CACNA2D2: variants seen among roughly 807,000 people sequenced by gnomAD.
The protein encoded by CACNA2D2 is voltage-dependent calcium channel subunit alpha-2/delta-2.
Under a neutral mutation model 166.4 loss-of-function variants are expected in CACNA2D2, and 48 were observed. That is an observed-to-expected ratio of 0.29 (90% CI 0.23 to 0.37). The LOEUF (loss-of-function observed/expected upper bound fraction) is 0.37, where lower values mean the gene tolerates loss of function less well. Ranked by LOEUF, CACNA2D2 falls within the 10% of genes least tolerant of loss-of-function variation. CACNA2D2 has a pLI of 1.00. For synonymous variants in CACNA2D2, 561 were observed against 573.7 expected (o/e 0.98, Z 0.32); for missense variants, 1,122 against 1,433.0 (o/e 0.78, Z 3.50).
In CACNA2D2 at chr3:50,375,980, C is replaced by T. The variant is rs773775694; in HGVS notation, c.1756G>A (p.Asp586Asn). 1.1e-5 allele frequency: 17 copies of T among 1,613,336 alleles called. No individual in the cohort carries two copies. The highest frequency in any genetic ancestry group is 3.3e-5 in the Admixed American group (2 of 60,014). ...TLDFLDAELE[D>N]ENKEEIRRSM... ...CTCCTTACCTCTTCCTTGTTCTCAT[C>T]CTCTAGCTCCGCATCCAGGAAGTCC... The change falls in exon 19 of 38, where the codon GAT (aspartate) becomes AAT (asparagine). Residue 586 changes from aspartate (D) to asparagine (N), a missense_variant. By Grantham distance (23) the Asp-to-Asn change is conservative. Transcript: ENST00000424201. The surrounding 1 kb of genome is among the most constrained non-coding windows in gnomAD (Gnocchi z 4.0).
chr3:50,416,441 T>C (rs1707265497), intron 3 of CACNA2D2, among the ~76,000 whole-genome samples: 1 of 152,148 alleles, frequency 6.6e-6, no homozygotes, highest in Non-Finnish European at 1.5e-5. Context: ...GAGAAATGTT[T>C]CTCCTTCCCA....
chr3:50,405,513 G>A (rs1015240907), intron 3 of CACNA2D2, among the ~76,000 whole-genome samples: 1 of 152,176 alleles, frequency 6.6e-6, no homozygotes, highest in African/African-American at 2.4e-5. Flanking sequence ...TCTTGCCCAG[G>A]CCCCCTCATT....
chr3:50,459,249 C>T (rs1709495485), intron 2 of CACNA2D2, among the ~76,000 whole-genome samples: 1 of 152,104 alleles, frequency 6.6e-6, no homozygotes, highest in South Asian at 2.1e-4. Context: ...GTCAGGGTCA[C>T]CCTGAGGAGA....
In CACNA2D2 at chr3:50,367,028, C is replaced by G. The variant is rs749804420; in HGVS notation, c.2483G>C (p.Arg828Pro). ...STAVELSLGR[R>P]TLRPAVVGVK... ...ACATTCACCTGCTGGCCTCAGTGTG[C>G]GCCTGCCTAGGCTGAGCTCCACAGC... is the stretch of plus-strand genomic sequence containing the variant. The change falls in exon 28 of 38, where the codon CGC (arginine) becomes CCC (proline). Residue 828 changes from arginine (R) to proline (P), a missense_variant. Arg to Pro is a moderately radical substitution (Grantham distance 103). This residue lies in a region of CACNA2D2 where 840 missense variants were observed against 1,166.8 expected (regional missense o/e 0.72). Coordinates refer to ENST00000424201, the MANE Select transcript of CACNA2D2 (RefSeq NM_006030.4). This position sits in a 1 kb window ranked among gnomAD's most constrained non-coding sequence, Gnocchi z 6.5. 6.2e-7 allele frequency: 1 copy of G among 1,613,656 alleles called. No homozygotes were observed. The highest frequency in any genetic ancestry group is 2.2e-5 in the East Asian group (1 of 44,884).
chr3:50,500,190 C>T (rs77338813), intron 1 of CACNA2D2, among the ~76,000 whole-genome samples: 2 of 151,912 alleles, frequency 1.3e-5, no homozygotes, highest in Non-Finnish European at 2.9e-5. Flanking sequence ...GAGAGGAGCA[C>T]GTACTCTGGT....
At chr3:50,478,854 T>A (rs912915524) in intron 1 of CACNA2D2, among the ~76,000 whole-genome samples, 1 of 152,188 alleles carries the variant, frequency 6.6e-6, no homozygotes, top group South Asian at 2.1e-4. Flanking sequence ...AATTGGCAAA[T>A]GCTAGAAACC....
chr3:50,477,129 CTG>C (rs1230066221), intron 1 of CACNA2D2, among the ~76,000 whole-genome samples: 3 of 151,988 alleles, frequency 2.0e-5, no homozygotes, highest in African/African-American at 7.3e-5. Flanking sequence ...TGGGGTTTCA[CTG>C]TGTTAGCCAG....
chr3:50,468,380 A>AGTGTGTGTGTGTGTGTGTGT lies in CACNA2D2; in HGVS notation c.288+7718_288+7737dup, dbSNP rs3220659. ...AGAGAACCAGCAAGTTCATCAGAAT[A>AGTGTGTGTGTGTGTGTGTGT]GTGTGTGTGTGTGTGTGTGTGTGTG... On this transcript the variant is annotated intron_variant, in intron 2 of 37. Coordinates refer to ENST00000424201, the MANE Select transcript of CACNA2D2 (RefSeq NM_006030.4). Among the ~76,000 whole-genome samples, 25 of 83,174 alleles carry AGTGTGTGTGTGTGTGTGTGT rather than the reference A, an allele frequency of 3.0e-4. 2 individuals carry two copies. The highest frequency in any genetic ancestry group is 1.5e-3 in the East Asian group (3 of 1,944). 54.6% of individuals were successfully genotyped at this position (83,174 alleles called of 152,430 possible). A position where few individuals can be genotyped will look rare whatever the true frequency, so the allele number is the denominator to read the frequency against.
chr3:50,478,267 G>A (rs190541817), intron 1 of CACNA2D2, among the ~76,000 whole-genome samples: 195 of 152,326 alleles, frequency 1.3e-3, no homozygotes, highest in South Asian at 8.9e-3. Context: ...GACAGCCTGC[G>A]TGACCCCTGG....
At chr3:50,451,609 G>A (rs1709108697) in intron 2 of CACNA2D2, among the ~76,000 whole-genome samples, 1 of 152,204 alleles carries the variant, frequency 6.6e-6, no homozygotes, top group African/African-American at 2.4e-5. Context: ...CCTTGACCAA[G>A]TGCTTGGACA....
intron 2 of CACNA2D2, among the ~76,000 whole-genome samples, chr3:50,462,240 C>G (rs1473600632): frequency 6.6e-6 from 1 of 151,848 alleles, no homozygotes; most frequent in Admixed American, 6.6e-5. Context: ...AATACAAAAA[C>G]GAGGCAGGTG....
chr3:50,476,443 T>C (rs903338050), intron 1 of CACNA2D2, among the ~76,000 whole-genome samples: 2 of 152,244 alleles, frequency 1.3e-5, no homozygotes, highest in Non-Finnish European at 2.9e-5. Flanking sequence ...ATTGTGGATG[T>C]GCTGAGGGAG....
intron 3 of CACNA2D2, among the ~76,000 whole-genome samples, chr3:50,403,886 T>A (rs928163696): frequency 6.6e-6 from 1 of 152,240 alleles, no homozygotes; most frequent in South Asian, 2.1e-4. Flanking sequence ...CCTGGTGCCC[T>A]GTAGGGCTGG....
intron 1 of CACNA2D2, among the ~76,000 whole-genome samples, chr3:50,500,692 A>G (rs1173644170): frequency 6.6e-6 from 1 of 151,706 alleles, no homozygotes; most frequent in East Asian, 1.9e-4. Flanking sequence ...GCAAACATGT[A>G]GCCTCCTCCT....
intron 2 of CACNA2D2, among the ~76,000 whole-genome samples, chr3:50,441,974 C>T (rs1171190873): frequency 6.6e-6 from 1 of 152,210 alleles, no homozygotes; most frequent in East Asian, 1.9e-4. Context: ...ACTATTCCAG[C>T]CCAGCTGTCA....
At chr3:50,471,300 G>C (rs1244890164) in intron 2 of CACNA2D2, among the ~76,000 whole-genome samples, 1 of 152,112 alleles carries the variant, frequency 6.6e-6, no homozygotes, top group Admixed American at 6.5e-5. Flanking sequence ...GTACCAGTGG[G>C]GGACCTGGCC....
intron 3 of CACNA2D2, among the ~76,000 whole-genome samples, chr3:50,430,319 G>GC (rs1708009923): frequency 6.6e-6 from 1 of 152,198 alleles, no homozygotes; most frequent in South Asian, 2.1e-4. Context: ...CCTAATCCTG[G>GC]GCAGTACCTT....
intron 5 of CACNA2D2, among the ~76,000 whole-genome samples, chr3:50,387,311 C>T (rs933286188): frequency 6.6e-6 from 1 of 151,914 alleles, no homozygotes; most frequent in African/African-American, 2.4e-5. Flanking sequence ...GGGACCTAAA[C>T]TGCCCCGTGC....
intron 23 of CACNA2D2, among the ~76,000 whole-genome samples, chr3:50,369,990 G>A (rs1031403997): frequency 1.3e-5 from 2 of 152,210 alleles, no homozygotes; most frequent in East Asian, 1.9e-4. Context: ...GCTGCCTGGC[G>A]AGGGGTGGGC....
Sources: gnomAD v4.1 joint callset for allele counts (sites outside exome capture counted in the v4.1 genomes callset) on GRCh38, gnomAD v4.1.1 for gene constraint, gnomAD v4.1.1 regional missense constraint, Gnocchi (gnomAD v3.1) non-coding constraint, MANE v1.5 for transcripts, NCBI Gene and HGNC (gene_info 2026-07-23, HGNC 2026-07-21) for gene names.